CTNND2: variants seen among roughly 807,000 people sequenced by gnomAD.
The protein encoded by CTNND2 is catenin delta-2.
CTNND2 carries 22 observed loss-of-function variants against 144.4 expected under a neutral mutation model. The observed-to-expected ratio is 0.15, with a 90% CI of 0.11 to 0.22. CTNND2 has a LOEUF of 0.22. CTNND2 is among the 10% of genes least tolerant of loss of function. The probability of loss-of-function intolerance (pLI) is 1.00; values close to 1 mark genes in which losing one functional copy is unlikely to be tolerated. For missense variants in CTNND2, 1,353 were observed against 1,618.8 expected, an observed-to-expected ratio of 0.84 and a Z score of 2.82; for synonymous variants, 751 against 695.6, an observed-to-expected ratio of 1.08 and a Z score of -1.25.
intron 2 of CTNND2, among the ~76,000 whole-genome samples, chr5:11,619,833 G>T (rs529257581): frequency 5.9e-5 from 9 of 152,268 alleles, no homozygotes; most frequent in African/African-American, 2.2e-4. Flanking sequence ...GGTGCCATCT[G>T]TTGGTATGAA....
chr5:11,891,607 C>T (rs1270267681), intron 1 of CTNND2, among the ~76,000 whole-genome samples: 1 of 151,916 alleles, frequency 6.6e-6, no homozygotes, highest in Non-Finnish European at 1.5e-5. Flanking sequence ...TCTAAGAAGA[C>T]AGATGAGAGA....
intron 1 of CTNND2, among the ~76,000 whole-genome samples, chr5:11,886,676 T>C (rs1736556856): frequency 6.6e-6 from 1 of 152,158 alleles, no homozygotes; most frequent in Non-Finnish European, 1.5e-5. Flanking sequence ...ATGTGTACTT[T>C]CTAAGAATTA....
At chr5:11,210,395 C>T (rs908576878) in intron 10 of CTNND2, among the ~76,000 whole-genome samples, 2 of 152,022 alleles carry the variant, frequency 1.3e-5, no homozygotes, top group Non-Finnish European at 2.9e-5. Flanking sequence ...AAGACTCTGT[C>T]TAAAAATAAA....
chr5:11,565,581 C>T (rs1777023959), intron 2 of CTNND2, among the ~76,000 whole-genome samples: 1 of 152,022 alleles, frequency 6.6e-6, no homozygotes, highest in Non-Finnish European at 1.5e-5. Context: ...CTCTTCATAA[C>T]TTTGCATTCC....
chr5:11,532,929 T>C (rs1247838392), intron 3 of CTNND2, among the ~76,000 whole-genome samples: 1 of 152,180 alleles, frequency 6.6e-6, no homozygotes, highest in East Asian at 1.9e-4. Context: ...AGTAGTCACT[T>C]TGCATAAAAG....
chr5:11,240,074 G>A (rs932363857), intron 9 of CTNND2, among the ~76,000 whole-genome samples: 2 of 151,748 alleles, frequency 1.3e-5, no homozygotes, highest in Non-Finnish European at 2.9e-5. Flanking sequence ...GTGACTCTCA[G>A]AAGAGCAAGA....
Position 11,179,531 on chromosome 5 carries a change from A to G in CTNND2, c.1976-19772T>C, listed in dbSNP as rs144423062. Among the ~76,000 whole-genome samples the G allele has an allele frequency of 3.9e-5, 6 of 152,098 alleles. No homozygotes were observed. In the East Asian group the frequency reaches 9.7e-4, roughly 25 times the overall value. ...CACTATGCCTGGACTAAATATACAT[A>G]TTTATCTGTACCTAACCCTGACATT... On this transcript the variant is annotated intron_variant, in intron 11 of 21. Coordinates refer to ENST00000304623, the MANE Select transcript of CTNND2 (RefSeq NM_001332.4).
At chr5:11,845,702 G>A (rs1387454215) in intron 1 of CTNND2, among the ~76,000 whole-genome samples, 1 of 152,188 alleles carries the variant, frequency 6.6e-6, no homozygotes, top group African/African-American at 2.4e-5. Flanking sequence ...CTTTGTTACA[G>A]AAGGGCTAGC....
intron 15 of CTNND2, among the ~76,000 whole-genome samples, chr5:11,088,031 C>T (rs374756532): frequency 2.6e-5 from 4 of 152,112 alleles, no homozygotes; most frequent in Non-Finnish European, 4.4e-5. Flanking sequence ...TAGTAATTTT[C>T]AATTAAAAAA....
chr5:11,568,735 A>G (rs1383564627), intron 2 of CTNND2, among the ~76,000 whole-genome samples: 2 of 152,178 alleles, frequency 1.3e-5, no homozygotes, highest in South Asian at 2.1e-4. Flanking sequence ...GACATTATCC[A>G]TCTCTAACAC....
In CTNND2 at chr5:10,988,880, C is replaced by T. The variant is rs1319930318; in HGVS notation, c.3212-638G>A. The stretch of plus-strand genomic sequence containing the variant: ...CAGCTCTAGTTCCTGCTAGGGCATT[C>T]TTGCTCCAGCTTTTTGCATAAACAC... On this transcript the variant is annotated intron_variant, in intron 19 of 21. Transcript: ENST00000304623. This position sits in a 1 kb window ranked among gnomAD's most constrained non-coding sequence, Gnocchi z 5.9. 6.6e-6 allele frequency among the ~76,000 whole-genome samples: 1 copy of T among 152,142 alleles called. No homozygotes were observed. The highest frequency in any genetic ancestry group is 1.5e-5 in the Non-Finnish European group (1 of 68,026).
intron 2 of CTNND2, among the ~76,000 whole-genome samples, chr5:11,592,403 A>C (rs2150144115): frequency 6.6e-6 from 1 of 152,134 alleles, no homozygotes; most frequent in Admixed American, 6.5e-5. Flanking sequence ...AAACTCACAT[A>C]TCTCCTTCAT....
intron 3 of CTNND2, among the ~76,000 whole-genome samples, chr5:11,494,472 A>C (rs1424499759): frequency 6.6e-6 from 1 of 152,184 alleles, no homozygotes; most frequent in Non-Finnish European, 1.5e-5. Context: ...GGTATTTGAA[A>C]GAAAAAAAAA....
chr5:11,901,714 A>G (rs968494110), intron 1 of CTNND2, among the ~76,000 whole-genome samples: 4 of 152,208 alleles, frequency 2.6e-5, no homozygotes, highest in Admixed American at 1.3e-4. Flanking sequence ...TCAATCAGAT[A>G]ATATCATTTT....
chr5:11,817,604 G>A (rs1452345068), intron 1 of CTNND2, among the ~76,000 whole-genome samples: 2 of 152,020 alleles, frequency 1.3e-5, no homozygotes, highest in Non-Finnish European at 2.9e-5. Context: ...CGGGGCAGCT[G>A]TGGTGGAAAT....
chr5:11,229,674 A>G (rs568453491), intron 10 of CTNND2, among the ~76,000 whole-genome samples: 138 of 146,390 alleles, frequency 9.4e-4, no homozygotes, highest in African/African-American at 3.2e-3. Context: ...GTGTGTGTGT[A>G]TATATATAAC....
intron 18 of CTNND2, among the ~76,000 whole-genome samples, chr5:10,994,778 G>A (rs1174777940): frequency 1.3e-5 from 2 of 152,136 alleles, no homozygotes; most frequent in East Asian, 3.9e-4. Context: ...AGTTTGGGGA[G>A]GAGTAGCCAC....
chr5:11,424,473 A>G (rs2149859937), intron 3 of CTNND2, among the ~76,000 whole-genome samples: 1 of 141,404 alleles, frequency 7.1e-6, no homozygotes, highest in Non-Finnish European at 1.5e-5. Context: ...ACACACACAT[A>G]CACATACACA....
intron 2 of CTNND2, among the ~76,000 whole-genome samples, chr5:11,667,146 T>G (rs878981214): frequency 6.6e-6 from 1 of 152,176 alleles, no homozygotes; most frequent in African/African-American, 2.4e-5. Context: ...TGTGCCACAT[T>G]TTCTTTGTCC....
Sources: gnomAD v4.1 joint callset for allele counts (sites outside exome capture counted in the v4.1 genomes callset) on GRCh38, gnomAD v4.1.1 for gene constraint, Gnocchi (gnomAD v3.1) non-coding constraint, MANE v1.5 for transcripts, NCBI Gene and HGNC (gene_info 2026-07-23, HGNC 2026-07-21) for gene names.